CNTN5: variants seen among roughly 807,000 people sequenced by gnomAD.
The protein encoded by CNTN5 is contactin-5.
Under a neutral mutation model 129.1 loss-of-function variants are expected in CNTN5, and 77 were observed. That is an observed-to-expected ratio of 0.60 (90% CI 0.50 to 0.72). The LOEUF is 0.72. Among genes scored for constraint, CNTN5 ranks in the 30% least tolerant of loss-of-function variants. The pLI, the probability that CNTN5 is intolerant of heterozygous loss-of-function variation, is 0.00. For synonymous variants in CNTN5, 509 were observed against 465.6 expected (o/e 1.09, Z -1.20); for missense variants, 1,478 against 1,328.8 (o/e 1.11, Z -1.75).
chr11:99,391,448 T>A (rs903301379), intron 2 of CNTN5, among the ~76,000 whole-genome samples: 5 of 152,116 alleles, frequency 3.3e-5, no homozygotes, highest in Non-Finnish European at 7.4e-5. Context: ...AAGCACTAAA[T>A]TTATGTCTTG....
chr11:99,953,629 G>A (rs1950727442), intron 7 of CNTN5, among the ~76,000 whole-genome samples: 1 of 92,596 alleles, frequency 1.1e-5, no homozygotes, highest in African/African-American at 4.3e-5. Context: ...AAAACCTAGA[G>A]GATGAATGAT....
intron 3 of CNTN5, among the ~76,000 whole-genome samples, chr11:99,744,478 T>G (rs1444323948): frequency 7.3e-6 from 1 of 136,528 alleles, no homozygotes. Context: ...GGCAACTGGA[T>G]CACTTGAGCC....
intron 6 of CNTN5, among the ~76,000 whole-genome samples, chr11:99,905,077 C>T (rs1949462374): frequency 6.6e-6 from 1 of 151,978 alleles, no homozygotes; most frequent in Non-Finnish European, 1.5e-5. Flanking sequence ...AAAAATATCC[C>T]TTTCTGTAGG....
intron 1 of CNTN5, among the ~76,000 whole-genome samples, chr11:99,098,315 A>T (rs1299993854): frequency 6.6e-6 from 1 of 152,100 alleles, no homozygotes; most frequent in Non-Finnish European, 1.5e-5. Flanking sequence ...AGCAGGTATT[A>T]ACCTTGAGAA....
chr11:99,200,263 GAAT>G (rs1859105781), intron 1 of CNTN5, among the ~76,000 whole-genome samples: 1 of 152,100 alleles, frequency 6.6e-6, no homozygotes, highest in South Asian at 2.1e-4. Context: ...GATTTTCTAT[GAAT>G]AATAATACTG....
At chr11:99,995,503 G>A (rs985821971) in intron 8 of CNTN5, among the ~76,000 whole-genome samples, 1 of 152,082 alleles carries the variant, frequency 6.6e-6, no homozygotes, top group Admixed American at 6.6e-5. Context: ...GCCAAAGGTA[G>A]CCCTTTTTTT....
chr11:99,804,043 A>G (rs1946193989), intron 3 of CNTN5, among the ~76,000 whole-genome samples: 1 of 152,172 alleles, frequency 6.6e-6, no homozygotes, highest in Admixed American at 6.5e-5. Flanking sequence ...TTTGTTTTAT[A>G]AAAATGTAAT....
chr11:100,164,749 GA>G (rs1947569932), intron 13 of CNTN5, among the ~76,000 whole-genome samples: 2 of 151,754 alleles, frequency 1.3e-5, no homozygotes, highest in African/African-American at 4.8e-5. Flanking sequence ...AGACATATCA[GA>G]AAACCAGCAT....
chr11:100,311,996 G>A (rs548341761), intron 21 of CNTN5, among the ~76,000 whole-genome samples: 20 of 152,132 alleles, frequency 1.3e-4, no homozygotes, highest in Admixed American at 3.9e-4. Context: ...TCATCACAAT[G>A]ACATTTTTGA....
intron 1 of CNTN5, among the ~76,000 whole-genome samples, chr11:99,122,145 C>G (rs1355219190): frequency 6.6e-6 from 1 of 151,996 alleles, no homozygotes; most frequent in Non-Finnish European, 1.5e-5. Context: ...CCCCCCAACT[C>G]CACTTTTTAT....
chr11:99,510,974 T>C (rs866294432), intron 2 of CNTN5, among the ~76,000 whole-genome samples: 144 of 152,278 alleles, frequency 9.5e-4, no homozygotes, highest in African/African-American at 3.2e-3. Context: ...TGGAACAAGA[T>C]GTAAAGGGGC....
intron 1 of CNTN5, among the ~76,000 whole-genome samples, chr11:99,064,930 A>G (rs11218280): frequency 0.3 from 45,251 of 151,694 alleles, 6,948 homozygotes; most frequent in African/African-American, 0.33. Context: ...ATGTTAATTT[A>G]GTAATATTAA....
intron 8 of CNTN5, among the ~76,000 whole-genome samples, chr11:99,991,829 C>G (rs1939120482): frequency 6.6e-6 from 1 of 152,128 alleles, no homozygotes; most frequent in African/African-American, 2.4e-5. Flanking sequence ...TGAAAAGTTT[C>G]AACCTCAGCT....
chr11:100,228,204 G>A (rs1949417856), intron 16 of CNTN5, among the ~76,000 whole-genome samples: 1 of 151,996 alleles, frequency 6.6e-6, no homozygotes, highest in Admixed American at 6.6e-5. Context: ...AGAAACTTTG[G>A]GAATAGTCAA....
chr11:99,685,211 T>C (rs1283510052), intron 3 of CNTN5, among the ~76,000 whole-genome samples: 1 of 151,630 alleles, frequency 6.6e-6, no homozygotes, highest in Non-Finnish European at 1.5e-5. Flanking sequence ...TCTATGTTTT[T>C]TCTATTGCTT....
chr11:99,831,439 G>C (rs1947135737), intron 4 of CNTN5, among the ~76,000 whole-genome samples: 1 of 152,174 alleles, frequency 6.6e-6, no homozygotes, highest in Non-Finnish European at 1.5e-5. Flanking sequence ...CATGCAGTCA[G>C]GCATTGTGGT....
intron 2 of CNTN5, among the ~76,000 whole-genome samples, chr11:99,421,070 A>G (rs1452021290): frequency 1.3e-5 from 2 of 151,870 alleles, no homozygotes; most frequent in Non-Finnish European, 2.9e-5. Context: ...AGAGCATGCA[A>G]AGCTGAATAA....
intron 2 of CNTN5, among the ~76,000 whole-genome samples, chr11:99,480,722 G>GT (rs930972493): frequency 1.3e-5 from 2 of 151,162 alleles, no homozygotes; most frequent in African/African-American, 2.4e-5. Context: ...TTTTTGTTTT[G>GT]TTTTTTCTAC....
intron 1 of CNTN5, among the ~76,000 whole-genome samples, chr11:99,209,253 A>T (rs1157449774): frequency 6.6e-6 from 1 of 152,110 alleles, no homozygotes; most frequent in Non-Finnish European, 1.5e-5. Context: ...CTTGCTCTGA[A>T]GTAATATCTG....
Sources: allele counts gnomAD v4.1 joint callset (sites outside exome capture counted in the v4.1 genomes callset), GRCh38; gene constraint gnomAD v4.1.1; transcripts MANE v1.5; gene names NCBI Gene and HGNC (gene_info 2026-07-23, HGNC 2026-07-21).